The following GRB2 variants were observed in gnomAD, a reference collection of about 807,000 sequenced individuals.
The protein encoded by GRB2 is growth factor receptor-bound protein 2.
GRB2 carries 2 observed loss-of-function variants against 27.4 expected under a neutral mutation model. The observed-to-expected ratio is 0.07, with a 90% CI of 0.03 to 0.23. The LOEUF is 0.23. Ranked by LOEUF, GRB2 falls within the 10% of genes least tolerant of loss-of-function variation. The probability of loss-of-function intolerance (pLI) is 1.00; values close to 1 mark genes in which losing one functional copy is unlikely to be tolerated. For missense variants in GRB2, 102 were observed against 282.4 expected, an observed-to-expected ratio of 0.36 and a Z score of 4.58; for synonymous variants, 94 against 99.6, an observed-to-expected ratio of 0.94 and a Z score of 0.33.
intron 3 of GRB2, among the ~76,000 whole-genome samples, chr17:75,330,105 C>T (rs977381452): frequency 3.3e-5 from 5 of 151,584 alleles, no homozygotes; most frequent in African/African-American, 7.3e-5. Context: ...GGCTTTGGGC[C>T]GGGTGTGGTG....
intron 2 of GRB2, among the ~76,000 whole-genome samples, chr17:75,367,406 G>A (rs1466097753): frequency 6.6e-6 from 1 of 152,092 alleles, no homozygotes; most frequent in Non-Finnish European, 1.5e-5. Context: ...TGAACTCCTG[G>A]GCTCAAGTGA....
At chr17:75,382,775 C>G (rs1409106923) in intron 2 of GRB2, among the ~76,000 whole-genome samples, 1 of 152,170 alleles carries the variant, frequency 6.6e-6, no homozygotes, top group East Asian at 1.9e-4. Flanking sequence ...GTGGCACTAT[C>G]TGGGATCACT....
chr17:75,348,892 T>C (rs2078671082), intron 2 of GRB2, among the ~76,000 whole-genome samples: 1 of 152,146 alleles, frequency 6.6e-6, no homozygotes, highest in African/African-American at 2.4e-5. Context: ...TCCAGGCTGG[T>C]TTCGAACTCC....
intron 4 of GRB2, among the ~76,000 whole-genome samples, chr17:75,325,116 C>T (rs560624998): frequency 1.1e-4 from 17 of 151,976 alleles, no homozygotes; most frequent in African/African-American, 3.9e-4. Context: ...GTTTTCTATC[C>T]CCCATTCAAA....
intron 2 of GRB2, among the ~76,000 whole-genome samples, chr17:75,350,713 C>T (rs1261171168): frequency 2.0e-5 from 3 of 152,066 alleles, no homozygotes; most frequent in South Asian, 2.1e-4. Flanking sequence ...AGGATGGTCT[C>T]GATCTCCTGA....
At chr17:75,321,957 A>G in intron 4 of GRB2, 130 bp from the exon 5 acceptor site, 6 of 799,060 alleles carry the variant, frequency 7.5e-6, no homozygotes, top group Non-Finnish European at 1.2e-5. Flanking sequence ...GCAGAGCAAC[A>G]AGTTTCCTCA....
chr17:75,384,216 A>G (rs1374416342), intron 2 of GRB2, among the ~76,000 whole-genome samples: 1 of 152,196 alleles, frequency 6.6e-6, no homozygotes, highest in Admixed American at 6.5e-5. Context: ...GCACAGTCAC[A>G]GTGAACTTCA....
At chr17:75,397,843 T>TTATTTATTTATC (rs1238460486) in intron 1 of GRB2, among the ~76,000 whole-genome samples, 2 of 151,684 alleles carry the variant, frequency 1.3e-5, no homozygotes, top group African/African-American at 4.8e-5. Context: ...ATTTATTTAT[T>TTATTTATTTATC]TATTTATTTA....
intron 1 of GRB2, among the ~76,000 whole-genome samples, chr17:75,402,174 G>A (rs537955403): frequency 6.6e-6 from 1 of 152,294 alleles, no homozygotes; most frequent in African/African-American, 2.4e-5. Context: ...AATATCTCCT[G>A]TAATTTACTG....
Position 75,326,181 on chromosome 17 carries a change from C to T in GRB2, c.177-161G>A, listed in dbSNP as rs147464960. On this transcript the variant is annotated intron_variant, in intron 3 of 5. Transcript: ENST00000316804. ...CCCAAGATCGACACTGGGTTGGGTC[C>T]CCAGAGATGGACCTTCAAAGGTCTT... 269 of 732,946 alleles carry T rather than the reference C, an allele frequency of 3.7e-4. 1 individual carries two copies. The highest frequency in any genetic ancestry group is 2.3e-3 in the African/African-American group (131 of 56,944). 45.4% of individuals were successfully genotyped at this position (732,946 alleles called of 1,614,324 possible).
intron 2 of GRB2, among the ~76,000 whole-genome samples, chr17:75,352,216 C>T (rs956431009): frequency 7.9e-5 from 12 of 152,168 alleles, no homozygotes; most frequent in African/African-American, 2.2e-4. Context: ...GCAGGGCAGC[C>T]GCAGCACAGC....
At chr17:75,382,960 C>A (rs936877130) in intron 2 of GRB2, among the ~76,000 whole-genome samples, 1 of 152,186 alleles carries the variant, frequency 6.6e-6, no homozygotes, top group African/African-American at 2.4e-5. Context: ...CCGCCTGCCT[C>A]GGCCTCCCAA....
chr17:75,324,507 GTTTTTTTTTTTT>G (rs767194304), intron 4 of GRB2, among the ~76,000 whole-genome samples: 645 of 36,708 alleles, frequency 0.018, 9 homozygotes, highest in African/African-American at 0.049. Flanking sequence ...ACCGCACCCA[GTTTTTTTTTTTT>G]TTTTTTTTTT....
chr17:75,318,678 A>T lies in GRB2; in HGVS notation c.*1690T>A, dbSNP rs2078433662. 6.6e-6 allele frequency: 1 copy of T among 151,832 alleles called. No individual in the cohort carries two copies. The highest frequency in any genetic ancestry group is 1.5e-5 in the Non-Finnish European group (1 of 68,072). 9.4% of individuals were successfully genotyped at this position (151,832 alleles called of 1,614,324 possible). On this transcript the variant is annotated 3_prime_UTR_variant, in exon 6 of 6. Transcript: ENST00000316804. Reference sequence around the variant, plus strand: ...CCTGGGACCATCGGTAGGGGTGGGGAGCAGCAGTCAACACAGCCCACTGGG... The same window carrying T: ...CCTGGGACCATCGGTAGGGGTGGGGTGCAGCAGTCAACACAGCCCACTGGG...
At chr17:75,352,640 T>C (rs938679866) in intron 2 of GRB2, among the ~76,000 whole-genome samples, 2 of 152,202 alleles carry the variant, frequency 1.3e-5, no homozygotes, top group South Asian at 2.1e-4. Flanking sequence ...AGACATATTA[T>C]GTGACAACTA....
chr17:75,393,884 C>T (rs2079014366), intron 1 of GRB2, 119 bp from the exon 2 acceptor site: 2 of 513,394 alleles, frequency 3.9e-6, no homozygotes, highest in East Asian at 6.5e-5. Flanking sequence ...CAGCCCTCCT[C>T]CCTCCCTTCC....
At chr17:75,360,759 T>A (rs982632637) in intron 2 of GRB2, among the ~76,000 whole-genome samples, 1 of 152,174 alleles carries the variant, frequency 6.6e-6, no homozygotes. Context: ...AAGAGTCCTA[T>A]GATGCTATGT....
chr17:75,402,636 T>C (rs2079070726), intron 1 of GRB2, among the ~76,000 whole-genome samples: 1 of 152,212 alleles, frequency 6.6e-6, no homozygotes, highest in Non-Finnish European at 1.5e-5. Flanking sequence ...CCTGGAGTTC[T>C]ACCAGAACCT....
At position 75,320,751 on chromosome 17, in the gene GRB2, T is replaced by G. The variant is rs1364441043; in HGVS notation, c.469-198A>C. On this transcript the variant is annotated intron_variant, in intron 5 of 5. Transcript: ENST00000316804. The surrounding 1 kb of genome is among the most constrained non-coding windows in gnomAD (Gnocchi z 4.3). The stretch of plus-strand genomic sequence containing the variant: ...GGCCAAGCGGGTTTAGTGTGATATT[T>G]CCCAGTGCTCAGAAAATATTAGAGT... Among the ~76,000 whole-genome samples, 4 of 152,198 alleles carry G rather than the reference T, an allele frequency of 2.6e-5. No individual in the cohort carries two copies. In the East Asian group the frequency reaches 7.7e-4, roughly 29 times the overall value.
Sources: gnomAD v4.1 joint callset for allele counts (sites outside exome capture counted in the v4.1 genomes callset) on GRCh38, gnomAD v4.1.1 for gene constraint, Gnocchi (gnomAD v3.1) non-coding constraint, MANE v1.5 for transcripts, NCBI Gene and HGNC (gene_info 2026-07-23, HGNC 2026-07-21) for gene names.